Variants in LAMA2 observed in about 807,000 individuals in gnomAD.
LAMA2 encodes the protein laminin subunit alpha-2.
Under a neutral mutation model 364.8 loss-of-function variants are expected in LAMA2, and 269 were observed. The ratio of observed to expected loss-of-function variants is 0.74; its 90% CI spans 0.67 to 0.82. The LOEUF (loss-of-function observed/expected upper bound fraction) is 0.82, where lower values mean the gene tolerates loss of function less well. Ranked by LOEUF, LAMA2 falls within the 40% of genes least tolerant of loss-of-function variation. LAMA2 has a pLI of 0.00. For missense variants in LAMA2, 3,807 were observed against 3,873.2 expected, an observed-to-expected ratio of 0.98 and a Z score of 0.45; for synonymous variants, 1,379 against 1,370.6, an observed-to-expected ratio of 1.01 and a Z score of -0.14.
At chr6:128,888,493 G>A (rs1776273474) in intron 1 of LAMA2, among the ~76,000 whole-genome samples, 1 of 152,206 alleles carries the variant, frequency 6.6e-6, no homozygotes, top group South Asian at 2.1e-4. Context: ...AAATACAACG[G>A]GGTAAGGACA....
chr6:129,305,978 T>TATAC (rs1257861052), intron 22 of LAMA2, among the ~76,000 whole-genome samples: 2 of 152,082 alleles, frequency 1.3e-5, no homozygotes, highest in African/African-American at 4.8e-5. Context: ...AAAATAATAT[T>TATAC]ATACCACTTT....
At chr6:128,968,415 GGAA>G (rs1781984718) in intron 1 of LAMA2, among the ~76,000 whole-genome samples, 3 of 152,086 alleles carry the variant, frequency 2.0e-5, no homozygotes. Context: ...AGAGGGGATA[GGAA>G]GAAGGAGAAA....
intron 4 of LAMA2, among the ~76,000 whole-genome samples, chr6:129,133,915 A>G (rs1231737330): frequency 1.3e-5 from 2 of 152,140 alleles, no homozygotes; most frequent in Non-Finnish European, 2.9e-5. Context: ...TCTCTGAAGA[A>G]CCTTTGAGTC....
intron 1 of LAMA2, among the ~76,000 whole-genome samples, chr6:128,891,115 G>A (rs577061661): frequency 3.9e-5 from 6 of 151,988 alleles, no homozygotes; most frequent in Non-Finnish European, 8.8e-5. Context: ...TTTGATTTTT[G>A]TTGTCTTAAG....
At chr6:129,491,846 C>G (rs1784877854) in intron 56 of LAMA2, 55 bp from the exon 57 acceptor site, 1 of 1,395,226 alleles carries the variant, frequency 7.2e-7, no homozygotes, top group Non-Finnish European at 1.0e-6. Flanking sequence ...ATTTGATTTC[C>G]AACTGTATTG....
chr6:129,204,105 CAGAG>C lies in LAMA2; in HGVS notation c.1782+11257_1782+11260del, dbSNP rs369783020. Among the ~76,000 whole-genome samples, 8 of 152,246 alleles carry C rather than the reference CAGAG, an allele frequency of 5.3e-5. No individual in the cohort carries two copies. In the East Asian group the frequency reaches 1.4e-3, roughly 26 times the overall value. The stretch of plus-strand genomic sequence containing the variant: ...ATCATTAAAAATAAAAATTGACAAT[CAGAG>C]AGAGTTAATTTTAGCAAGTACGTAG... On this transcript the variant is annotated intron_variant, in intron 12 of 64. Coordinates refer to ENST00000421865, the MANE Select transcript of LAMA2 (RefSeq NM_000426.4).
intron 43 of LAMA2, chr6:129,442,134 A>T: frequency 9.3e-7 from 1 of 1,074,386 alleles, no homozygotes; most frequent in Non-Finnish European, 1.3e-6. Context: ...GAGTATAAAA[A>T]CAAAAGCACT....
chr6:129,256,643 CT>C (rs1021331576), intron 14 of LAMA2, among the ~76,000 whole-genome samples: 1 of 151,432 alleles, frequency 6.6e-6, no homozygotes, highest in African/African-American at 2.4e-5. Context: ...ATTTAATACA[CT>C]TTTAATAAAT....
intron 1 of LAMA2, among the ~76,000 whole-genome samples, chr6:128,910,005 T>C (rs924381015): frequency 6.6e-5 from 10 of 152,162 alleles, no homozygotes; most frequent in African/African-American, 2.2e-4. Context: ...CCGAGAGATC[T>C]GCTGTTAGTC....
At chr6:129,384,496 G>T (rs542645266) in intron 35 of LAMA2, among the ~76,000 whole-genome samples, 1 of 152,148 alleles carries the variant, frequency 6.6e-6, no homozygotes, top group South Asian at 2.1e-4. Flanking sequence ...ATAAATGCTA[G>T]CATATGTTTT....
chr6:128,943,203 C>G (rs192322070), intron 1 of LAMA2, among the ~76,000 whole-genome samples: 1 of 152,048 alleles, frequency 6.6e-6, no homozygotes, highest in Non-Finnish European at 1.5e-5. Flanking sequence ...AAGACTGTCT[C>G]TCTGTTTGTA....
intron 63 of LAMA2, 127 bp from the exon 64 acceptor site, chr6:129,514,246 C>G: frequency 2.6e-6 from 2 of 770,016 alleles, no homozygotes; most frequent in East Asian, 2.7e-5. Context: ...TCAATATGCC[C>G]AGTTACATCC....
intron 30 of LAMA2, among the ~76,000 whole-genome samples, chr6:129,343,101 C>T (rs1480090889): frequency 6.6e-6 from 1 of 152,108 alleles, no homozygotes; most frequent in East Asian, 1.9e-4. Context: ...CTGGTTTATA[C>T]ATTGATGAAA....
intron 12 of LAMA2, among the ~76,000 whole-genome samples, chr6:129,219,067 G>C (rs1783616886): frequency 6.6e-6 from 1 of 152,096 alleles, no homozygotes; most frequent in Admixed American, 6.6e-5. Context: ...CAGTATATAT[G>C]TCAAAATACA....
chr6:129,200,409 TATAC>T (rs1336869255), intron 12 of LAMA2, among the ~76,000 whole-genome samples: 5 of 146,574 alleles, frequency 3.4e-5, no homozygotes, highest in East Asian at 4.0e-4. Flanking sequence ...CATGTACACA[TATAC>T]ATATACGTGT....
chr6:129,360,934 A>T (rs1306671968), intron 32 of LAMA2, among the ~76,000 whole-genome samples: 2 of 152,176 alleles, frequency 1.3e-5, no homozygotes, highest in Non-Finnish European at 2.9e-5. Context: ...CTTTCCTTGG[A>T]AATTTCTGGA....
intron 43 of LAMA2, among the ~76,000 whole-genome samples, chr6:129,441,509 G>A (rs1419310436): frequency 6.6e-6 from 1 of 151,984 alleles, no homozygotes; most frequent in East Asian, 1.9e-4. Flanking sequence ...TAAAAATAAA[G>A]CATTTATCTA....
In LAMA2 at chr6:129,454,308, T is replaced by TTAAGATAATTAAA. The variant is rs1782845136; in HGVS notation, c.6707+22_6707+34dup. 1 of 1,590,724 alleles carries TTAAGATAATTAAA rather than the reference T, an allele frequency of 6.3e-7. No homozygotes were observed. The highest frequency in any genetic ancestry group is 8.6e-7 in the Non-Finnish European group (1 of 1,160,786). ...ATCAAGGTAACCAACTTAATAAAGATTAAGATAATTAAATGATAGAATTTT... is the reference window on the plus strand; with the variant it reads ...ATCAAGGTAACCAACTTAATAAAGATTAAGATAATTAAATAAGATAATTAAATGATAGAATTTT... On this transcript the variant is annotated intron_variant, in intron 47 of 64. Transcript: ENST00000421865.
In LAMA2 at chr6:128,943,305, G is replaced by GTC. The variant is rs1298711381; in HGVS notation, c.112+59948_112+59949insTC. Among the ~76,000 whole-genome samples, 93 of 120,170 alleles carry GTC rather than the reference G, an allele frequency of 7.7e-4. 1 individual carries two copies. In the East Asian group the frequency reaches 0.015, roughly 19 times the overall value. The allele number at this position is 120,170 out of a possible 152,430, so 78.8% of individuals were successfully genotyped here. A position where few individuals can be genotyped will look rare whatever the true frequency, so the allele number is the denominator to read the frequency against. ...AGAGAGAGAGAGAGAGAGAGAGAGA[G>GTC]AGTCAGTCTTGCTCTGTTAACCAGC... On this transcript the variant is annotated intron_variant, in intron 1 of 64. Transcript: ENST00000421865.
Sources: gnomAD v4.1 joint callset for allele counts (sites outside exome capture counted in the v4.1 genomes callset) on GRCh38, gnomAD v4.1.1 for gene constraint, MANE v1.5 for transcripts, NCBI Gene and HGNC (gene_info 2026-07-23, HGNC 2026-07-21) for gene names.